The following PCDH7 variants were observed in gnomAD, a reference collection of about 807,000 sequenced individuals.
PCDH7 encodes protocadherin-7.
A neutral mutation model predicts 58.9 loss-of-function variants in PCDH7; 17 were observed. The observed-to-expected ratio is 0.29, with a 90% CI of 0.20 to 0.43. The LOEUF (loss-of-function observed/expected upper bound fraction) is 0.43. Among genes scored for constraint, PCDH7 ranks in the 20% least tolerant of loss-of-function variants. PCDH7 has a pLI of 1.00. For synonymous variants in PCDH7, 664 were observed against 616.4 expected (o/e 1.08, Z -1.14); for missense variants, 1,274 against 1,441.0 (o/e 0.88, Z 1.88).
chr4:30,799,130 A>G (rs1183856858), intron 1 of PCDH7, among the ~76,000 whole-genome samples: 1 of 151,968 alleles, frequency 6.6e-6, no homozygotes, highest in Non-Finnish European at 1.5e-5. Flanking sequence ...TTCTTTTTTC[A>G]CCTTTAATTC....
chr4:30,831,687 G>C (rs1336959966), intron 1 of PCDH7, among the ~76,000 whole-genome samples: 1 of 152,078 alleles, frequency 6.6e-6, no homozygotes, highest in African/African-American at 2.4e-5. Context: ...ATGCATTAGA[G>C]TCAAATTTAG....
chr4:30,728,150 A>C (rs764340492), intron 1 of PCDH7, among the ~76,000 whole-genome samples: 14 of 151,640 alleles, frequency 9.2e-5, no homozygotes, highest in Non-Finnish European at 1.8e-4. Context: ...CTAGTGAAAA[A>C]ATTTGGGAGA....
chr4:30,845,210 G>T (rs10019451), intron 1 of PCDH7, among the ~76,000 whole-genome samples: 5,519 of 152,218 alleles, frequency 0.036, 324 homozygotes, highest in African/African-American at 0.13. Flanking sequence ...ACAGTGGTTT[G>T]AAAAGGTGAA....
At chr4:30,762,510 A>AC (rs11377520) in intron 1 of PCDH7, among the ~76,000 whole-genome samples, 150,908 of 152,298 alleles carry the variant, frequency 0.99, 74,768 homozygotes, top group East Asian at 1. Flanking sequence ...CATGATATGA[A>AC]ATCTTCATTT....
At chr4:30,915,615 C>T (rs12651441) in intron 1 of PCDH7, among the ~76,000 whole-genome samples, 85,715 of 151,854 alleles carry the variant, frequency 0.56, 24,297 homozygotes, top group East Asian at 0.63. Flanking sequence ...CCTTTGCCTC[C>T]CGGGTTCAAG....
Position 30,887,478 on chromosome 4 carries a change from C to A in PCDH7, c.71-32675C>A, listed in dbSNP as rs182264462. On this transcript the variant is annotated intron_variant, in intron 1 of 3. Transcript: ENST00000509759. ...ATTGAACTGTCTATAATACAATGGA[C>A]CACATTATCAAGCCCTCCAAATGGA... Among the ~76,000 whole-genome samples, 7 of 152,152 alleles carry A rather than the reference C, an allele frequency of 4.6e-5. No individual in the cohort carries two copies. In the East Asian group the frequency reaches 1.2e-3, roughly 25 times the overall value.
intron 3 of PCDH7, among the ~76,000 whole-genome samples, chr4:31,012,045 C>T (rs917029027): frequency 2.0e-5 from 3 of 151,982 alleles, no homozygotes; most frequent in African/African-American, 4.8e-5. Flanking sequence ...TTTTAGTCAG[C>T]ACCAAATCTT....
chr4:30,961,489 T>C (rs1358367428), intron 3 of PCDH7, among the ~76,000 whole-genome samples: 3 of 151,512 alleles, frequency 2.0e-5, no homozygotes, highest in African/African-American at 7.3e-5. Context: ...GAGGTGGAGG[T>C]TGCAGTGAGC....
At chr4:31,017,315 T>C (rs1326176292) in intron 3 of PCDH7, among the ~76,000 whole-genome samples, 1 of 152,202 alleles carries the variant, frequency 6.6e-6, no homozygotes, top group Admixed American at 6.5e-5. Flanking sequence ...TTTTAAAAAA[T>C]AATTTACATC....
At chr4:30,783,388 T>C (rs1723028152) in intron 1 of PCDH7, among the ~76,000 whole-genome samples, 2 of 152,174 alleles carry the variant, frequency 1.3e-5, no homozygotes, top group Admixed American at 1.3e-4. Flanking sequence ...TACTTTTTAT[T>C]TTTCCCTAGA....
intron 3 of PCDH7, among the ~76,000 whole-genome samples, chr4:30,968,064 A>G (rs1165944261): frequency 6.6e-6 from 1 of 151,886 alleles, no homozygotes; most frequent in East Asian, 1.9e-4. Flanking sequence ...CCTTGATTTC[A>G]TTAAAAATAT....
At chr4:30,924,817 G>GAA (rs35532582) in intron 2 of PCDH7, among the ~76,000 whole-genome samples, 32 of 147,264 alleles carry the variant, frequency 2.2e-4, no homozygotes, top group Middle Eastern at 3.5e-3. Flanking sequence ...GAGTACAAAT[G>GAA]AAAAAAAAAA....
chr4:30,766,843 C>G (rs879322331), intron 1 of PCDH7, among the ~76,000 whole-genome samples: 1 of 152,060 alleles, frequency 6.6e-6, no homozygotes, highest in African/African-American at 2.4e-5. Flanking sequence ...TTATCACAGT[C>G]TCTTCAAATT....
At chr4:30,883,476 G>C (rs73812653) in intron 1 of PCDH7, among the ~76,000 whole-genome samples, 1 of 152,132 alleles carries the variant, frequency 6.6e-6, no homozygotes, top group Non-Finnish European at 1.5e-5. Flanking sequence ...CCAGCATGAC[G>C]AATGTAACGT....
intron 1 of PCDH7, among the ~76,000 whole-genome samples, chr4:30,784,806 TG>T (rs1001103752): frequency 6.6e-6 from 1 of 151,788 alleles, no homozygotes; most frequent in Non-Finnish European, 1.5e-5. Flanking sequence ...AGGGGCAAAA[TG>T]GGGATGTTAG....
intron 1 of PCDH7, among the ~76,000 whole-genome samples, chr4:30,869,247 T>C (rs1204702280): frequency 6.6e-6 from 1 of 152,004 alleles, no homozygotes; most frequent in African/African-American, 2.4e-5. Context: ...GATATTGTAG[T>C]TTAGCCTGTG....
At chr4:31,120,292 A>T (rs1717503132) in intron 3 of PCDH7, among the ~76,000 whole-genome samples, 2 of 143,282 alleles carry the variant, frequency 1.4e-5, no homozygotes, top group Non-Finnish European at 3.1e-5. Context: ...GTTCATCCCT[A>T]TTTCTTTTAT....
intron 2 of PCDH7, among the ~76,000 whole-genome samples, chr4:30,932,405 A>G (rs1744755555): frequency 6.6e-6 from 1 of 152,226 alleles, no homozygotes; most frequent in Admixed American, 6.5e-5. Context: ...AACCTAAAGA[A>G]ATGAAACCAC....
intron 3 of PCDH7, among the ~76,000 whole-genome samples, chr4:30,983,077 G>A (rs1462588860): frequency 2.0e-5 from 3 of 152,090 alleles, no homozygotes; most frequent in Non-Finnish European, 4.4e-5. Flanking sequence ...TAGGATCAAG[G>A]GAGTAGGTAG....
Sources: allele counts gnomAD v4.1 joint callset (sites outside exome capture counted in the v4.1 genomes callset), GRCh38; gene constraint gnomAD v4.1.1; transcripts MANE v1.5; gene names NCBI Gene and HGNC (gene_info 2026-07-23, HGNC 2026-07-21).